Variants in CARM1 observed in about 807,000 individuals in gnomAD.
The protein encoded by CARM1 is coactivator associated arginine methyltransferase 1.
A neutral mutation model predicts 72.7 loss-of-function variants in CARM1; 14 were observed. The ratio of observed to expected loss-of-function variants is 0.19; its 90% confidence interval spans 0.13 to 0.30. The LOEUF (loss-of-function observed/expected upper bound fraction) is 0.30, where lower values mean the gene tolerates loss of function less well. Among genes scored for constraint, CARM1 ranks in the 10% least tolerant of loss-of-function variants. The pLI is 1.00. For synonymous variants in CARM1, 333 were observed against 345.5 expected (o/e 0.96, Z 0.40); for missense variants, 432 against 833.7 (o/e 0.52, Z 5.93).
At chr19:10,909,277 T>G (rs2074128026) in intron 4 of CARM1, 70 bp downstream of exon 4, 4 of 946,968 alleles carry the variant, frequency 4.2e-6, no homozygotes, top group Non-Finnish European at 5.0e-6. Flanking sequence ...CTCATTGATT[T>G]TATCTTTAAT....
rs371197083 is a variant in CARM1, at chr19:10,920,578, G to A, written c.1334+5G>A. On this transcript the variant is annotated splice_donor_5th_base_variant and intron_variant, in intron 11 of 15. Transcript: ENST00000327064. The surrounding 1 kb of genome is among the most constrained non-coding windows in gnomAD (Gnocchi z 5.3). ...TCTGCTTATTGCCAACAAAAGGTGCGACTGCTCCCTGGGGCTGGTGGTGGT... is the reference window on the plus strand; with the variant it reads ...TCTGCTTATTGCCAACAAAAGGTGCAACTGCTCCCTGGGGCTGGTGGTGGT... 200 of 1,613,872 alleles carry A rather than the reference G, an allele frequency of 1.2e-4. No homozygotes were observed. Among genetic ancestry groups the A allele is most frequent in the Non-Finnish European group, 1.6e-4 (192 of 1,179,846 alleles).
At chr19:10,888,359 C>T (rs538660697) in intron 1 of CARM1, among the ~76,000 whole-genome samples, 13 of 152,300 alleles carry the variant, frequency 8.5e-5, no homozygotes, top group African/African-American at 3.1e-4. Flanking sequence ...GTCTTTGGAC[C>T]AGCTTCTGGG....
Position 10,921,784 on chromosome 19 carries a change from C to T in CARM1, c.*27C>T. ...GGCCCGCCCCGCGGACTGACAGCACCAGGAAACCAAATGATGTCCCTGCCC... is the reference window on the plus strand; with the variant it reads ...GGCCCGCCCCGCGGACTGACAGCACTAGGAAACCAAATGATGTCCCTGCCC... On this transcript the variant is annotated 3_prime_UTR_variant, in exon 16 of 16. Coordinates refer to ENST00000327064, the MANE Select transcript of CARM1 (RefSeq NM_199141.2). 2 of 1,561,226 alleles carry T rather than the reference C, an allele frequency of 1.3e-6. No homozygotes were observed. The highest frequency in any genetic ancestry group is 1.7e-6 in the Non-Finnish European group (2 of 1,148,770).
chr19:10,908,752 T>C (rs1006483733), intron 3 of CARM1: 17 of 244,006 alleles, frequency 7.0e-5, no homozygotes, highest in Non-Finnish European at 1.2e-4. Flanking sequence ...TCTAGGGCTC[T>C]GTTCGATCTG....
chr19:10,882,534 CTTTTTT>C (rs869046901), intron 1 of CARM1, among the ~76,000 whole-genome samples: 4 of 85,942 alleles, frequency 4.7e-5, no homozygotes, highest in Non-Finnish European at 8.7e-5. Context: ...TGCACTCTGT[CTTTTTT>C]TTTTTTTTTT....
Position 10,916,874 on chromosome 19 carries a change from T to C in CARM1, c.1020+97T>C. Reference sequence around the variant, plus strand: ...AGCTACAGCCCCTCTCTGAGCCCTCTCCTCTGCCCTGCACAGCGCTCTCAC... The same window carrying C: ...AGCTACAGCCCCTCTCTGAGCCCTCCCCTCTGCCCTGCACAGCGCTCTCAC... On this transcript the variant is annotated intron_variant, in intron 8 of 15. Coordinates refer to ENST00000327064, the MANE Select transcript of CARM1 (RefSeq NM_199141.2). This position sits in a 1 kb window ranked among gnomAD's most constrained non-coding sequence, Gnocchi z 4.4. 1 of 892,086 alleles carries C rather than the reference T, an allele frequency of 1.1e-6. No individual in the cohort carries two copies. The highest frequency in any genetic ancestry group is 1.7e-6 in the Non-Finnish European group (1 of 571,888). The allele number at this position is 892,086 out of a possible 1,614,324, so 55.3% of individuals were successfully genotyped here.
chr19:10,921,810 G>GCCGCCC lies in CARM1; in HGVS notation c.*59_*64dup. The stretch of plus-strand genomic sequence containing the variant: ...AGGAAACCAAATGATGTCCCTGCCC[G>GCCGCCC]CCGCCCCCGCCGGGCGGCTTTCCCC... On this transcript the variant is annotated 3_prime_UTR_variant, in exon 16 of 16. Transcript: ENST00000327064. The GCCGCCC allele has an allele frequency of 6.6e-7, 1 of 1,521,880 alleles. No homozygotes were observed. Among genetic ancestry groups the GCCGCCC allele is most frequent in the Non-Finnish European group, 8.9e-7 (1 of 1,128,454 alleles). 94.3% of individuals were successfully genotyped at this position (1,521,880 alleles called of 1,614,324 possible). A position where few individuals can be genotyped will look rare whatever the true frequency, so the allele number is the denominator to read the frequency against.
At chr19:10,908,843 C>A in intron 3 of CARM1, 1 of 371,008 alleles carries the variant, frequency 2.7e-6, no homozygotes, top group Non-Finnish European at 5.0e-6. Context: ...ATCTTGAGTT[C>A]TCCTGGGCGG....
At chr19:10,892,052 G>T (rs534185217) in intron 1 of CARM1, among the ~76,000 whole-genome samples, 2 of 152,190 alleles carry the variant, frequency 1.3e-5, no homozygotes, top group Non-Finnish European at 2.9e-5. Flanking sequence ...CCTGTGGTGC[G>T]TAGGTTTTAC....
chr19:10,901,005 G>A (rs907115832), intron 1 of CARM1, among the ~76,000 whole-genome samples: 13 of 141,102 alleles, frequency 9.2e-5, no homozygotes, highest in African/African-American at 2.7e-4. Context: ...TTTCTGAAGC[G>A]GAGTCTCACT....
Position 10,921,399 on chromosome 19 carries a change from C to T in CARM1, c.1640C>T (p.Thr547Ile), listed in dbSNP as rs1363808974. 1.2e-6 allele frequency: 2 copies of T among 1,610,026 alleles called. No homozygotes were observed. Among genetic ancestry groups the T allele is most frequent in the Admixed American group, 1.7e-5 (1 of 58,320 alleles). ...GCCAACACGGGGATTGTCAATCACA[C>T]CCACTCCCGGATGGGCTCCATAATG... The part of the protein sequence containing the change: ...PLANTGIVNH[T>I]HSRMGSIMST... Residue 547 changes from threonine to isoleucine, a missense_variant, in exon 15 of 16, where the codon ACC becomes ATC. Physicochemically the swap from Thr to Ile is moderately conservative, Grantham distance 89. Coordinates refer to ENST00000327064, the MANE Select transcript of CARM1 (RefSeq NM_199141.2).
At chr19:10,898,681 A>G (rs994296391) in intron 1 of CARM1, among the ~76,000 whole-genome samples, 3 of 152,174 alleles carry the variant, frequency 2.0e-5, no homozygotes, top group African/African-American at 7.2e-5. Context: ...CTGAATCGCC[A>G]CTGCTGGATC....
At chr19:10,901,077 A>G (rs2074060854) in intron 1 of CARM1, among the ~76,000 whole-genome samples, 1 of 149,040 alleles carries the variant, frequency 6.7e-6, no homozygotes. Flanking sequence ...CACCTCCCTG[A>G]TTCAAGCAAT....
chr19:10,876,185 A>G (rs996113387), intron 1 of CARM1, among the ~76,000 whole-genome samples: 1 of 151,560 alleles, frequency 6.6e-6, no homozygotes. Context: ...AGCCTCACAT[A>G]TGGCTAATTT....
intron 1 of CARM1, among the ~76,000 whole-genome samples, chr19:10,888,692 G>A (rs1019224028): frequency 6.6e-6 from 1 of 152,056 alleles, no homozygotes; most frequent in Non-Finnish European, 1.5e-5. Flanking sequence ...CTAAGCTCCC[G>A]CGCTTTCTGG....
intron 8 of CARM1, among the ~76,000 whole-genome samples, chr19:10,917,820 C>A (rs560252427): frequency 6.6e-6 from 1 of 150,660 alleles, no homozygotes; most frequent in Non-Finnish European, 1.5e-5. Context: ...CGGGCTCAAG[C>A]GATTCTCAGA....
At position 10,910,704 on chromosome 19, in the gene CARM1, T is replaced by A. The variant is rs568811682; in HGVS notation, c.559-1480T>A. ...CCTCAGCCTCCTGAGTAGCTGGGAC[T>A]ACAGGCGCACACCACCAAGCCCAGC... On this transcript the variant is annotated intron_variant, in intron 4 of 15. Coordinates refer to ENST00000327064, the MANE Select transcript of CARM1 (RefSeq NM_199141.2). Among the ~76,000 whole-genome samples, 5 of 151,628 alleles carry A rather than the reference T, an allele frequency of 3.3e-5. No individual in the cohort carries two copies. In the East Asian group the frequency reaches 7.9e-4, roughly 24 times the overall value.
chr19:10,915,645 G>T lies in CARM1; in HGVS notation c.848-762G>T, dbSNP rs1214790652. Among the ~76,000 whole-genome samples the T allele has an allele frequency of 6.6e-6, 1 of 152,156 alleles. No homozygotes were observed. Among genetic ancestry groups the T allele is most frequent in the East Asian group, 1.9e-4 (1 of 5,182 alleles). ...CTCTCGCCTCGGGTACAGCCTGGTGGCGTAAGGAGGAGGCAGAGTCCCACT... is the reference window on the plus strand; with the variant it reads ...CTCTCGCCTCGGGTACAGCCTGGTGTCGTAAGGAGGAGGCAGAGTCCCACT... On this transcript the variant is annotated intron_variant, in intron 6 of 15. Transcript: ENST00000327064. This position sits in a 1 kb window ranked among gnomAD's most constrained non-coding sequence, Gnocchi z 4.6.
At position 10,921,861 on chromosome 19, in the gene CARM1, C is replaced by T. The variant is rs935221881; in HGVS notation, c.*104C>T. 2.9e-5 allele frequency: 32 copies of T among 1,120,880 alleles called. No homozygotes were observed. Among genetic ancestry groups the T allele is most frequent in the Non-Finnish European group, 3.4e-5 (27 of 788,764 alleles). 69.4% of individuals were successfully genotyped at this position (1,120,880 alleles called of 1,614,324 possible). ...CTTGTACTGGAGAAGCTCGAACACC[C>T]GGTCACAGCTCTCTTTGCTATGGGA... On this transcript the variant is annotated 3_prime_UTR_variant, in exon 16 of 16. Transcript: ENST00000327064.
Sources: gnomAD v4.1 joint callset for allele counts (sites outside exome capture counted in the v4.1 genomes callset) on GRCh38, gnomAD v4.1.1 for gene constraint, Gnocchi (gnomAD v3.1) non-coding constraint, MANE v1.5 for transcripts, NCBI Gene and HGNC (gene_info 2026-07-23, HGNC 2026-07-21) for gene names.